Variants in SPAG17 observed in about 807,000 individuals in gnomAD.
SPAG17 encodes sperm-associated antigen 17.
A neutral mutation model predicts 273.6 loss-of-function variants in SPAG17; 169 were observed. That is an observed-to-expected ratio of 0.62 (90% CI 0.55 to 0.70). The LOEUF (loss-of-function observed/expected upper bound fraction) is 0.70, where lower values mean the gene tolerates loss of function less well. Among genes scored for constraint, SPAG17 ranks in the 30% least tolerant of loss-of-function variants. The probability of loss-of-function intolerance (pLI) is 0.00; values close to 1 mark genes in which losing one functional copy is unlikely to be tolerated. For missense variants in SPAG17, 2,557 were observed against 2,627.8 expected, an observed-to-expected ratio of 0.97 and a Z score of 0.59; for synonymous variants, 825 against 873.2, an observed-to-expected ratio of 0.94 and a Z score of 0.97.
At chr1:118,138,036 T>C (rs1174404218) in intron 3 of SPAG17, among the ~76,000 whole-genome samples, 1 of 152,182 alleles carries the variant, frequency 6.6e-6, no homozygotes, top group African/African-American at 2.4e-5. Context: ...TCTTTGACTA[T>C]TTGGGTAAGT....
At chr1:118,057,649 T>A (rs1413271326) in intron 18 of SPAG17, among the ~76,000 whole-genome samples, 2 of 151,844 alleles carry the variant, frequency 1.3e-5, no homozygotes, top group East Asian at 3.9e-4. Flanking sequence ...AAAAAATAAA[T>A]CAGAGAAATA....
At chr1:118,147,704 A>G (rs1027661620) in intron 3 of SPAG17, among the ~76,000 whole-genome samples, 24 of 152,224 alleles carry the variant, frequency 1.6e-4, no homozygotes, top group Non-Finnish European at 4.4e-5. Context: ...GGGAAATTAC[A>G]CAATCTCATA....
intron 17 of SPAG17, among the ~76,000 whole-genome samples, chr1:118,072,702 C>T (rs1653721730): frequency 1.3e-5 from 2 of 152,090 alleles, no homozygotes; most frequent in Admixed American, 6.6e-5. Flanking sequence ...ATAGCACTTA[C>T]ATAACTGAAA....
rs145109457 is a variant in SPAG17 at position 118,131,666 on chromosome 1, C to T, written c.316-16225G>A. On this transcript the variant is annotated intron_variant, in intron 3 of 48. Transcript: ENST00000336338. ...GTGTACCATGTTTTATGCTGTTTAACTGCAAATTTCACCACTACCTAGAGC... is the reference window on the plus strand; with the variant it reads ...GTGTACCATGTTTTATGCTGTTTAATTGCAAATTTCACCACTACCTAGAGC... Among the ~76,000 whole-genome samples the T allele has an allele frequency of 4.5e-3, 692 of 152,276 alleles. 7 individuals are homozygous for T. The highest frequency in any genetic ancestry group is 0.016 in the African/African-American group (665 of 41,540).
chr1:118,006,054 C>T (rs1035977020), intron 31 of SPAG17, among the ~76,000 whole-genome samples: 2 of 152,098 alleles, frequency 1.3e-5, no homozygotes, highest in African/African-American at 4.8e-5. Context: ...CTGACACGGT[C>T]CTTAAGTAAT....
chr1:118,135,030 C>T (rs1448401557), intron 3 of SPAG17, among the ~76,000 whole-genome samples: 1 of 152,180 alleles, frequency 6.6e-6, no homozygotes, highest in Non-Finnish European at 1.5e-5. Context: ...TGTTTGAAGG[C>T]TGGAATTAAC....
At chr1:118,104,498 T>C (rs142640355) in intron 4 of SPAG17, among the ~76,000 whole-genome samples, 7 of 152,304 alleles carry the variant, frequency 4.6e-5, no homozygotes, top group Non-Finnish European at 8.8e-5. Flanking sequence ...CAGGTGTGCA[T>C]AACATACAAA....
chr1:118,065,899 C>T (rs1435802157), intron 18 of SPAG17, among the ~76,000 whole-genome samples: 1 of 151,898 alleles, frequency 6.6e-6, no homozygotes, highest in African/African-American at 2.4e-5. Context: ...AGGATTTCTC[C>T]TCAAAATTAA....
At chr1:118,110,807 T>C (rs1656712016) in intron 4 of SPAG17, among the ~76,000 whole-genome samples, 1 of 152,182 alleles carries the variant, frequency 6.6e-6, no homozygotes, top group African/African-American at 2.4e-5. Flanking sequence ...CTCTACTGAT[T>C]GTGAGCCAAG....
chr1:118,009,421 A>G (rs1659243972), intron 30 of SPAG17, among the ~76,000 whole-genome samples: 1 of 152,148 alleles, frequency 6.6e-6, no homozygotes, highest in South Asian at 2.1e-4. Context: ...GAACTCACGG[A>G]ATAACTTCTC....
At chr1:118,075,400 T>C (rs1482078998) in intron 15 of SPAG17, among the ~76,000 whole-genome samples, 1 of 152,368 alleles carries the variant, frequency 6.6e-6, no homozygotes, top group South Asian at 2.1e-4. Context: ...ACATTCATAT[T>C]GTTGATTTCT....
chr1:118,087,005 C>G lies in SPAG17; in HGVS notation c.1363G>C (p.Val455Leu). 6.4e-7 allele frequency: 1 copy of G among 1,561,496 alleles called. No homozygotes were observed. Among genetic ancestry groups the G allele is most frequent in the African/African-American group, 1.4e-5 (1 of 72,242 alleles). ...GGGACGAGATCTTCTTCAGTTGCAA[C>G]AACCTGTTGAAATCAACAATGAGAG... is the stretch of plus-strand genomic sequence containing the variant. ...LILHCMLEQV[V>L]ATEEDLVPPS... is the part of the protein sequence containing the mutation. The change falls in exon 11 of 49, where the codon GTT becomes CTT. Residue 455 changes from valine to leucine, a missense_variant. Transcript: ENST00000336338.
Position 118,086,968 on chromosome 1 carries a change from C to A in SPAG17, c.1400G>T (p.Arg467Leu). The A allele has an allele frequency of 6.3e-7, 1 of 1,583,284 alleles. No homozygotes were observed. The highest frequency in any genetic ancestry group is 8.6e-7 in the Non-Finnish European group (1 of 1,168,690). Residue 467 changes from arginine to leucine, a missense_variant, in exon 11 of 49, where the codon CGG (arginine) becomes CTG (leucine). Arg to Leu is a moderately radical substitution (Grantham distance 102). Transcript: ENST00000336338. Reference sequence around the variant, plus strand: ...CCCGTCTGCTCTGGGGGATGGCTCCCGCAGACTGGGTGGGACGAGATCTTC... The same window carrying A: ...CCCGTCTGCTCTGGGGGATGGCTCCAGCAGACTGGGTGGGACGAGATCTTC... ...TEEDLVPPSL[R>L]EPSPRADGLD...
intron 39 of SPAG17, 37 bp from the exon 40 acceptor site, chr1:117,987,918 C>A (rs746590412): frequency 6.2e-7 from 1 of 1,609,070 alleles, no homozygotes; most frequent in Non-Finnish European, 8.5e-7. Flanking sequence ...TGAAAAGGGG[C>A]AATGATTTCA....
chr1:118,104,516 T>A (rs1468184648), intron 4 of SPAG17, among the ~76,000 whole-genome samples: 2 of 152,188 alleles, frequency 1.3e-5, no homozygotes, highest in African/African-American at 4.8e-5. Flanking sequence ...AAATAGTAGA[T>A]AATCGCATGG....
rs556610152 is a variant in SPAG17 at position 118,033,616 on chromosome 1, G to A, written c.3434-1749C>T. On this transcript the variant is annotated intron_variant, in intron 24 of 48. Coordinates refer to ENST00000336338, the MANE Select transcript of SPAG17 (RefSeq NM_206996.4). Reference sequence around the variant, plus strand: ...AAATTATGCTCCTAAAGTAAAATATGATCATGTCACCTCCCTTACTTAAAG... The same window carrying A: ...AAATTATGCTCCTAAAGTAAAATATAATCATGTCACCTCCCTTACTTAAAG... Among the ~76,000 whole-genome samples the A allele has an allele frequency of 2.7e-3, 411 of 152,254 alleles. 1 individual carries two copies. Among genetic ancestry groups the A allele is most frequent in the Non-Finnish European group, 5.0e-3 (339 of 68,022 alleles).
chr1:117,973,753 A>G (rs1398300429), intron 43 of SPAG17, among the ~76,000 whole-genome samples, 192 bp from the exon 44 acceptor site: 1 of 152,122 alleles, frequency 6.6e-6, no homozygotes, highest in Non-Finnish European at 1.5e-5. Flanking sequence ...TTACAAGGGT[A>G]TAATGCATGA....
At chr1:118,078,464 T>A (rs556925878) in intron 15 of SPAG17, among the ~76,000 whole-genome samples, 1 of 152,216 alleles carries the variant, frequency 6.6e-6, no homozygotes, top group African/African-American at 2.4e-5. Context: ...CTTATTAAAC[T>A]TTCATATTAA....
intron 25 of SPAG17, among the ~76,000 whole-genome samples, chr1:118,031,072 G>C (rs537812657): frequency 6.6e-6 from 1 of 151,528 alleles, no homozygotes; most frequent in Admixed American, 6.6e-5. Flanking sequence ...TGGAAAAGCA[G>C]AACCATCTTT....
Sources: allele counts gnomAD v4.1 joint callset (sites outside exome capture counted in the v4.1 genomes callset), GRCh38; gene constraint gnomAD v4.1.1; transcripts MANE v1.5; gene names NCBI Gene and HGNC (gene_info 2026-07-23, HGNC 2026-07-21).